Variants in DNAH1 observed in about 807,000 individuals in gnomAD.
DNAH1 encodes the protein axonemal beta dynein heavy chain 1.
Under a neutral mutation model 484.3 loss-of-function variants are expected in DNAH1, and 327 were observed. The ratio of observed to expected loss-of-function variants is 0.68; its 90% confidence interval spans 0.62 to 0.74. The LOEUF (loss-of-function observed/expected upper bound fraction) is 0.74, where lower values mean the gene tolerates loss of function less well. Among genes scored for constraint, DNAH1 ranks in the 30% least tolerant of loss-of-function variants. The pLI is 0.00. For missense variants in DNAH1, 5,052 were observed against 5,546.8 expected, an observed-to-expected ratio of 0.91 and a Z score of 2.83; for synonymous variants, 2,192 against 2,191.9, an observed-to-expected ratio of 1.00 and a Z score of 0.00.
Position 52,352,591 on chromosome 3 carries a change from C to T in DNAH1, c.2911C>T (p.Arg971Cys), listed in dbSNP as rs976230212. The T allele has an allele frequency of 4.3e-6, 7 of 1,612,516 alleles. No individual in the cohort carries two copies. Among genetic ancestry groups the T allele is most frequent in the African/African-American group, 1.3e-5 (1 of 74,648 alleles). The change falls in exon 18 of 78, where the codon CGT becomes TGT. Residue 971 changes from arginine (R) to cysteine (C), a missense_variant. By Grantham distance (180) the Arg-to-Cys change is radical (BLOSUM62 -3). Transcript: ENST00000420323. ...CTTCTCCATCCATGTGGAGATTTCACGTGCACACGAGATCGCCAACGAGGT... is the reference window on the plus strand; with the variant it reads ...CTTCTCCATCCATGTGGAGATTTCATGTGCACACGAGATCGCCAACGAGGT... ...AGFSIHVEIS[R>C]AHEIANEVRR...
chr3:52,343,768 T>C (rs1211711053), intron 8 of DNAH1, among the ~76,000 whole-genome samples: 2 of 152,128 alleles, frequency 1.3e-5, no homozygotes, highest in Non-Finnish European at 1.5e-5. Context: ...GAAAGGCCTG[T>C]CCGCAAAGGA....
Position 52,398,901 on chromosome 3 carries a change from G to C in DNAH1, c.12141G>C (p.Lys4047Asn). The change falls in exon 76 of 78, where the codon AAG (lysine) becomes AAC (asparagine). Residue 4047 changes from lysine to asparagine, a missense_variant. Coordinates refer to ENST00000420323, the MANE Select transcript of DNAH1 (RefSeq NM_015512.5). Reference protein sequence around the residue: ...VITQTLQDLLKALKGLVVMSS... With the variant: ...VITQTLQDLLNALKGLVVMSS... Reference sequence around the variant, plus strand: ...CACAGACACTGCAAGACCTACTCAAGGCACTCAAGGGGCTGGTAGTGATGT... The same window carrying C: ...CACAGACACTGCAAGACCTACTCAACGCACTCAAGGGGCTGGTAGTGATGT... 1 of 1,602,014 alleles carries C rather than the reference G, an allele frequency of 6.2e-7. No individual in the cohort carries two copies. Among genetic ancestry groups the C allele is most frequent in the Non-Finnish European group, 8.5e-7 (1 of 1,172,650 alleles).
Position 52,355,137 on chromosome 3 carries a change from G to T in DNAH1, c.3693+82G>T, listed in dbSNP as rs941146310. The T allele has an allele frequency of 1.6e-5, 23 of 1,423,236 alleles. No homozygotes were observed. The highest frequency in any genetic ancestry group is 2.2e-5 in the Non-Finnish European group (23 of 1,024,044). The allele number at this position is 1,423,236 out of a possible 1,614,324, so 88.2% of individuals were successfully genotyped here. On this transcript the variant is annotated intron_variant, in intron 21 of 77. Coordinates refer to ENST00000420323, the MANE Select transcript of DNAH1 (RefSeq NM_015512.5). This position sits in a 1 kb window ranked among gnomAD's most constrained non-coding sequence, Gnocchi z 4.5. ...CACAGGTGTCACTGATGGTCTCCGG[G>T]TGGGGTTCAAAGCATCGCAGTGCCT...
chr3:52,365,194 C>T (rs777573377), intron 34 of DNAH1, among the ~76,000 whole-genome samples, 175 bp downstream of exon 34: 37 of 152,218 alleles, frequency 2.4e-4, no homozygotes, highest in Non-Finnish European at 5.1e-4. Context: ...TGTCCCGGCC[C>T]AGTCTCCACC....
intron 8 of DNAH1, 107 bp downstream of exon 8, chr3:52,332,501 G>GT (rs1701595231): frequency 6.8e-7 from 1 of 1,481,342 alleles, no homozygotes; most frequent in South Asian, 1.3e-5. Flanking sequence ...GGGCTCATCT[G>GT]TTTGAGACTG....
At position 52,372,093 on chromosome 3, in the gene DNAH1, AC is replaced by A. The variant is rs758516526; in HGVS notation, c.6666+14del. On this transcript the variant is annotated splice_region_variant and intron_variant, in intron 42 of 77. Coordinates refer to ENST00000420323, the MANE Select transcript of DNAH1 (RefSeq NM_015512.5). ...GCTCACCAACAAGAAGCCCGTGAGCACCCCCCCAGGCCCTGCCTCCACTGTC... is the reference window on the plus strand; with the variant it reads ...GCTCACCAACAAGAAGCCCGTGAGCACCCCCCAGGCCCTGCCTCCACTGTC... 83 of 1,611,686 alleles carry A rather than the reference AC, an allele frequency of 5.1e-5. No individual in the cohort carries two copies. Among genetic ancestry groups the A allele is most frequent in the Non-Finnish European group, 6.3e-5 (74 of 1,179,274 alleles).
At chr3:52,371,492 G>A (rs531153744) in intron 41 of DNAH1, among the ~76,000 whole-genome samples, 10 of 152,358 alleles carry the variant, frequency 6.6e-5, no homozygotes, top group African/African-American at 2.2e-4. Flanking sequence ...TGTGCAGGCG[G>A]GGACAGTGTT....
intron 4 of DNAH1, 117 bp from the exon 5 acceptor site, chr3:52,326,618 A>G: frequency 7.7e-7 from 1 of 1,297,456 alleles, no homozygotes; most frequent in Non-Finnish European, 1.0e-6. Flanking sequence ...GGAGGGCTCC[A>G]GAGGGGTCTC....
chr3:52,319,926 C>T lies in DNAH1; in HGVS notation c.-34-2483C>T, dbSNP rs1373109020. 3.9e-5 allele frequency among the ~76,000 whole-genome samples: 6 copies of T among 152,298 alleles called. No individual in the cohort carries two copies. The East Asian group carries it at 7.7e-4, about 20-fold the overall frequency. On this transcript the variant is annotated intron_variant, in intron 1 of 77. Coordinates refer to ENST00000420323, the MANE Select transcript of DNAH1 (RefSeq NM_015512.5). ...GCTTGCATGGAGGGAAACAGTTTAC[C>T]GGGGCAGCAAGTTCACCCATTATGG...
chr3:52,361,487 C>T lies in DNAH1; in HGVS notation c.4874+135C>T, dbSNP rs939387453. 9.5e-6 allele frequency: 12 copies of T among 1,268,780 alleles called. No individual in the cohort carries two copies. In the South Asian group the frequency reaches 1.1e-4, roughly 11 times the overall value. The allele number at this position is 1,268,780 out of a possible 1,614,324, so 78.6% of individuals were successfully genotyped here. On this transcript the variant is annotated intron_variant, in intron 29 of 77. Coordinates refer to ENST00000420323, the MANE Select transcript of DNAH1 (RefSeq NM_015512.5). The surrounding 1 kb of genome is among the most constrained non-coding windows in gnomAD (Gnocchi z 5.6). The stretch of plus-strand genomic sequence containing the variant: ...GGACAGAAGGGGGTAATAGGCATCA[C>T]GGCTTGGTCCTGGGGGCATTGGGGT...
intron 76 of DNAH1, 136 bp downstream of exon 76, chr3:52,399,337 CAT>C (rs1704796626): frequency 9.5e-7 from 1 of 1,056,596 alleles, no homozygotes; most frequent in Non-Finnish European, 1.4e-6. Flanking sequence ...CAGAAGAGGC[CAT>C]GAGTCCCAGG....
chr3:52,384,757 G>C, intron 52 of DNAH1, 29 bp from the exon 53 acceptor site: 2 of 1,558,722 alleles, frequency 1.3e-6, no homozygotes, highest in Non-Finnish European at 1.7e-6. Flanking sequence ...GCCTCTACCA[G>C]GCCGGCATCC....
rs2153224256 is a variant in DNAH1 at position 52,358,471 on chromosome 3, C to G, written c.4087-87C>G. ...GGCTTTCTTCTTGAGGTGGAGGGCA[C>G]CGGGCAGGCTTAGCGCTGGGGCTGT... On this transcript the variant is annotated intron_variant, in intron 24 of 77. Transcript: ENST00000420323. The surrounding 1 kb of genome is among the most constrained non-coding windows in gnomAD (Gnocchi z 4.2). 1 of 1,382,968 alleles carries G rather than the reference C, an allele frequency of 7.2e-7. No individual in the cohort carries two copies. The highest frequency in any genetic ancestry group is 2.5e-4 in the Middle Eastern group (1 of 4,020). The allele number at this position is 1,382,968 out of a possible 1,614,324, so 85.7% of individuals were successfully genotyped here. A position where few individuals can be genotyped will look rare whatever the true frequency, so the allele number is the denominator to read the frequency against.
rs1456549411 is a variant in DNAH1, at chr3:52,364,295, G to A, written c.5245-343G>A. The stretch of plus-strand genomic sequence containing the variant: ...GAAGCTCAAGGGCCATCAAGGCCAA[G>A]CTGATTGTTGCACAGATGGGAAACT... On this transcript the variant is annotated intron_variant, in intron 32 of 77. Coordinates refer to ENST00000420323, the MANE Select transcript of DNAH1 (RefSeq NM_015512.5). The surrounding 1 kb of genome is among the most constrained non-coding windows in gnomAD (Gnocchi z 4.2). Among the ~76,000 whole-genome samples, 1 of 152,280 alleles carries A rather than the reference G, an allele frequency of 6.6e-6. No homozygotes were observed. Among genetic ancestry groups the A allele is most frequent in the East Asian group, 1.9e-4 (1 of 5,204 alleles).
intron 8 of DNAH1, among the ~76,000 whole-genome samples, chr3:52,336,512 C>T (rs1186924533): frequency 3.3e-5 from 5 of 152,118 alleles, no homozygotes; most frequent in Non-Finnish European, 7.4e-5. Flanking sequence ...CGCACTGGTA[C>T]CACTGCACTC....
rs543609151 is a variant in DNAH1 at position 52,395,553 on chromosome 3, C to G, written c.11134C>G (p.Arg3712Gly). The G allele has an allele frequency of 6.2e-7, 1 of 1,613,584 alleles. No individual in the cohort carries two copies. Among genetic ancestry groups the G allele is most frequent in the Non-Finnish European group, 8.5e-7 (1 of 1,179,868 alleles). The change falls in exon 70 of 78, where the codon CGG becomes GGG. Residue 3712 changes from arginine (R) to glycine (G), a missense_variant. By Grantham distance (125) the Arg-to-Gly change is moderately radical. Around this residue, in one of 4 missense-constraint regions of DNAH1, gnomAD observed 853 missense variants for 899.0 expected, o/e 0.95. Transcript: ENST00000420323. This position sits in a 1 kb window ranked among gnomAD's most constrained non-coding sequence, Gnocchi z 4.4. ...AGTGCTCTTGCCCCTGCAGGGCCCT[C>G]GGGCAGAAGCCATGATGCGCAGCTC... ...AISLGQGQGP[R>G]AEAMMRSSIE...
chr3:52,326,946 A>C, intron 5 of DNAH1, 55 bp downstream of exon 5: 2 of 1,565,382 alleles, frequency 1.3e-6, no homozygotes, highest in Non-Finnish European at 1.7e-6. Flanking sequence ...GCAGGACCCC[A>C]GTGGACGCTC....
In DNAH1 at chr3:52,361,738, C is replaced by T. The variant is rs777405979; in HGVS notation, c.4952C>T (p.Thr1651Ile). ...CTGTCTGTGGTGGCGCAGCAGATCA[C>T]CACCATCCAGAAGGCGCAGCAGCAG... ...EVLSVVAQQITTIQKAQQQRV... is the reference protein window; with the variant it reads ...EVLSVVAQQIITIQKAQQQRV... The change falls in exon 30 of 78, where the codon ACC (threonine) becomes ATC (isoleucine). Residue 1651 changes from threonine to isoleucine, a missense_variant. Thr to Ile is a moderately conservative substitution (Grantham distance 89). Around this residue, in one of 4 missense-constraint regions of DNAH1, gnomAD observed 2,929 missense variants for 3,409.4 expected, o/e 0.86. Coordinates refer to ENST00000420323, the MANE Select transcript of DNAH1 (RefSeq NM_015512.5). The surrounding 1 kb of genome is among the most constrained non-coding windows in gnomAD (Gnocchi z 5.6). The T allele has an allele frequency of 6.2e-6, 10 of 1,610,268 alleles. No homozygotes were observed. Among genetic ancestry groups the T allele is most frequent in the Non-Finnish European group, 8.5e-6 (10 of 1,178,562 alleles).
At chr3:52,321,310 T>C (rs1422702007) in intron 1 of DNAH1, among the ~76,000 whole-genome samples, 1 of 152,076 alleles carries the variant, frequency 6.6e-6, no homozygotes, top group Non-Finnish European at 1.5e-5. Context: ...GAAATGGGGT[T>C]TCACTGTGTT....
Sources: gnomAD v4.1 joint callset for allele counts (sites outside exome capture counted in the v4.1 genomes callset) on GRCh38, gnomAD v4.1.1 for gene constraint, gnomAD v4.1.1 regional missense constraint, Gnocchi (gnomAD v3.1) non-coding constraint, MANE v1.5 for transcripts, NCBI Gene and HGNC (gene_info 2026-07-23, HGNC 2026-07-21) for gene names.